RTN4: variants seen among roughly 807,000 people sequenced by gnomAD.
RTN4 encodes reticulon-4.
In RTN4, 32 loss-of-function variants were observed where a neutral mutation model predicts 90.4. The ratio of observed to expected loss-of-function variants is 0.35; its 90% CI spans 0.27 to 0.48. The LOEUF is 0.48. RTN4 is among the 20% of genes least tolerant of loss of function. The pLI, the probability that RTN4 is intolerant of heterozygous loss-of-function variation, is 0.99. For missense variants in RTN4, 1,706 were observed against 1,430.2 expected (o/e 1.19, Z -3.11); for synonymous variants, 629 against 552.5 (o/e 1.14, Z -1.94).
intron 1 of RTN4, among the ~76,000 whole-genome samples, chr2:55,095,630 C>T (rs1007110469): frequency 9.9e-5 from 15 of 152,118 alleles, no homozygotes; most frequent in African/African-American, 3.4e-4. Flanking sequence ...CCTCCCACCT[C>T]GGCACTCCCT....
At chr2:55,130,559 G>A in the RTN4 span, among the ~76,000 whole-genome samples, 131 of 152,134 alleles carry the variant, frequency 8.6e-4, no homozygotes, top group African/African-American at 2.9e-3. Context: ...GAGACCAGCC[G>A]GAACAACAAA....
the RTN4 span, among the ~76,000 whole-genome samples, chr2:55,131,471 G>A: frequency 6.6e-6 from 1 of 152,252 alleles, no homozygotes; most frequent in East Asian, 1.9e-4. Context: ...GCCTCCCAAA[G>A]TTCTAGGATT....
intron 2 of RTN4, among the ~76,000 whole-genome samples, chr2:55,076,863 G>A (rs1010035249): frequency 1.3e-5 from 2 of 152,086 alleles, no homozygotes; most frequent in African/African-American, 4.8e-5. Flanking sequence ...CCTTTGCTTG[G>A]TACTTCTCTC....
chr2:55,005,726 T>C (rs577064524), intron 3 of RTN4, among the ~76,000 whole-genome samples: 4 of 152,304 alleles, frequency 2.6e-5, no homozygotes, highest in East Asian at 1.9e-4. Context: ...TTTGGAATAC[T>C]TGCATATACG....
In RTN4 at chr2:54,973,042, C is replaced by G; in HGVS notation, c.*114G>C. On this transcript the variant is annotated 3_prime_UTR_variant, in exon 9 of 9. Coordinates refer to ENST00000337526, the MANE Select transcript of RTN4 (RefSeq NM_020532.5). ...ATGGCTAAAAATAAAGATCTAACAA[C>G]GATCTGTGAAACTGCACTGCAACGT... 5.0e-6 allele frequency: 4 copies of G among 794,994 alleles called. No homozygotes were observed. Among genetic ancestry groups the G allele is most frequent in the Non-Finnish European group, 8.3e-6 (4 of 483,928 alleles). The allele number at this position is 794,994 out of a possible 1,614,324, so 49.2% of individuals were successfully genotyped here.
At chr2:55,039,643 A>G (rs1682933281) in intron 1 of RTN4, among the ~76,000 whole-genome samples, 1 of 152,058 alleles carries the variant, frequency 6.6e-6, no homozygotes, top group Admixed American at 6.6e-5. Context: ...AGCCAGGTGT[A>G]GTGTTGGGTG....
chr2:55,009,966 G>C, intron 3 of RTN4: 2 of 1,100,898 alleles, frequency 1.8e-6, no homozygotes, highest in Non-Finnish European at 1.3e-6. Flanking sequence ...TAATCCTTTA[G>C]ACTTCAACTC....
intron 1 of RTN4, among the ~76,000 whole-genome samples, chr2:55,044,785 T>TAAAAAAAAAAAAAAAAAAAAA (rs10639848): frequency 1.5e-5 from 1 of 65,644 alleles, no homozygotes; most frequent in Non-Finnish European, 2.6e-5. Context: ...TGCAAATCAC[T>TAAAAAAAAAAAAAAAAAAAAA]AAAAAAAAAA....
At chr2:54,999,550 A>G (rs938375865) in intron 3 of RTN4, among the ~76,000 whole-genome samples, 2 of 152,214 alleles carry the variant, frequency 1.3e-5, no homozygotes, top group African/African-American at 4.8e-5. Context: ...CTACTTTTGA[A>G]GCAAAAGCAA....
intron 3 of RTN4, among the ~76,000 whole-genome samples, chr2:55,024,543 C>G (rs192997362): frequency 2.6e-4 from 39 of 152,144 alleles, no homozygotes; most frequent in Admixed American, 7.2e-4. Flanking sequence ...AAAGGAGAAT[C>G]GGTACTTTTC....
At chr2:55,119,837 C>T in the RTN4 span, among the ~76,000 whole-genome samples, 1 of 152,212 alleles carries the variant, frequency 6.6e-6, no homozygotes, top group African/African-American at 2.4e-5. Context: ...GGATTAGCTA[C>T]ATGGCCAACC....
Position 54,999,336 on chromosome 2 carries a change from G to A in RTN4, c.3014-11638C>T, listed in dbSNP as rs186578939. Among the ~76,000 whole-genome samples, 11 of 152,274 alleles carry A rather than the reference G, an allele frequency of 7.2e-5. No individual in the cohort carries two copies. In the East Asian group the frequency reaches 2.1e-3, roughly 29 times the overall value. Reference sequence around the variant, plus strand: ...CTGTCATCTGCCATAGCTAAAAATAGTGTCAGCCTGCATTGTGCATGCCTT... The same window carrying A: ...CTGTCATCTGCCATAGCTAAAAATAATGTCAGCCTGCATTGTGCATGCCTT... On this transcript the variant is annotated intron_variant, in intron 3 of 8. Transcript: ENST00000337526.
At chr2:55,083,423 G>A (rs1250423705) in intron 1 of RTN4, among the ~76,000 whole-genome samples, 3 of 152,064 alleles carry the variant, frequency 2.0e-5, no homozygotes, top group Non-Finnish European at 2.9e-5. Flanking sequence ...TTGAGCCTGG[G>A]AGGCAGAGGT....
At chr2:54,984,904 G>A (rs774927951) in intron 4 of RTN4, among the ~76,000 whole-genome samples, 20 of 152,128 alleles carry the variant, frequency 1.3e-4, no homozygotes, top group Non-Finnish European at 2.6e-4. Flanking sequence ...CCAGGAGTTC[G>A]AGACTAGCCT....
chr2:55,130,673 C>T, the RTN4 span, among the ~76,000 whole-genome samples: 343 of 152,232 alleles, frequency 2.3e-3, no homozygotes, highest in Middle Eastern at 6.8e-3. Flanking sequence ...ATCTCTTGAA[C>T]CCAAGAGGTG....
the RTN4 span, among the ~76,000 whole-genome samples, chr2:55,137,651 C>G: frequency 6.6e-6 from 1 of 152,124 alleles, no homozygotes. Context: ...CCAGACCAAC[C>G]ACCCCACTGC....
At chr2:55,108,149 T>G (rs1573522216) in intron 1 of RTN4, among the ~76,000 whole-genome samples, 1 of 152,174 alleles carries the variant, frequency 6.6e-6, no homozygotes, top group Admixed American at 6.5e-5. Context: ...GACATGGGGT[T>G]TTCCCATGTT....
At chr2:55,102,115 G>T (rs959247506) in intron 1 of RTN4, among the ~76,000 whole-genome samples, 3 of 152,072 alleles carry the variant, frequency 2.0e-5, no homozygotes, top group Non-Finnish European at 4.4e-5. Context: ...ATTCCTTAAA[G>T]ATGAGATATT....
chr2:55,037,188 A>G (rs985589088), intron 1 of RTN4, among the ~76,000 whole-genome samples: 1 of 152,240 alleles, frequency 6.6e-6, no homozygotes, highest in Non-Finnish European at 1.5e-5. Flanking sequence ...GAGATGCACA[A>G]AACTGCTATA....
Sources: allele counts gnomAD v4.1 joint callset (sites outside exome capture counted in the v4.1 genomes callset), GRCh38; gene constraint gnomAD v4.1.1; transcripts MANE v1.5; gene names NCBI Gene and HGNC (gene_info 2026-07-23, HGNC 2026-07-21).